Variants in TTC7B observed in about 807,000 individuals in gnomAD.
TTC7B encodes tetratricopeptide repeat protein 7B.
Under a neutral mutation model 106.8 loss-of-function variants are expected in TTC7B, and 28 were observed. That is an observed-to-expected ratio of 0.26 (90% confidence interval 0.19 to 0.36). The LOEUF is 0.36. Among genes scored for constraint, TTC7B ranks in the 10% least tolerant of loss-of-function variants. The pLI is 1.00. For synonymous variants in TTC7B, 405 were observed against 430.6 expected (o/e 0.94, Z 0.74); for missense variants, 862 against 1,076.4 (o/e 0.80, Z 2.79).
chr14:90,610,692 C>T, intron 17 of TTC7B, 50 bp downstream of exon 17: 2 of 1,360,314 alleles, frequency 1.5e-6, no homozygotes, highest in Non-Finnish European at 1.1e-6. Context: ...GTCCCAGGCC[C>T]CCACATTCTC....
intron 5 of TTC7B, among the ~76,000 whole-genome samples, chr14:90,707,383 A>G (rs1220127091): frequency 2.6e-5 from 4 of 152,210 alleles, no homozygotes. Flanking sequence ...AGGCCAATTA[A>G]CAACCCTACA....
chr14:90,764,346 A>G (rs1158515675), intron 3 of TTC7B, among the ~76,000 whole-genome samples: 1 of 152,178 alleles, frequency 6.6e-6, no homozygotes, highest in Non-Finnish European at 1.5e-5. Context: ...AAGAGTAAAA[A>G]CTATAAAACT....
chr14:90,713,599 G>A (rs867021006), intron 5 of TTC7B, among the ~76,000 whole-genome samples: 5 of 152,086 alleles, frequency 3.3e-5, no homozygotes, highest in African/African-American at 2.4e-5. Flanking sequence ...ATACATTGCC[G>A]GCAGGAACGT....
At chr14:90,699,501 T>C (rs1386514954) in intron 5 of TTC7B, 1 of 314,948 alleles carries the variant, frequency 3.2e-6, no homozygotes, top group Non-Finnish European at 6.1e-6. Flanking sequence ...TACACTTAAA[T>C]TCAATATCAC....
chr14:90,764,805 T>C (rs1890619832), intron 3 of TTC7B, among the ~76,000 whole-genome samples: 1 of 152,122 alleles, frequency 6.6e-6, no homozygotes, highest in Non-Finnish European at 1.5e-5. Flanking sequence ...AAAAGACAGA[T>C]AACAACAAGT....
chr14:90,662,560 C>T (rs1432985079), intron 9 of TTC7B, among the ~76,000 whole-genome samples: 1 of 152,204 alleles, frequency 6.6e-6, no homozygotes, highest in Non-Finnish European at 1.5e-5. Flanking sequence ...ATAGGGAATA[C>T]ACAACCTGAA....
In TTC7B at chr14:90,780,785, A is replaced by G. The variant is rs1386763551; in HGVS notation, c.398T>C (p.Val133Ala). ...GATCACCCGCAGCCTGTAGGGCGGG[A>G]CAGCTGTCAGTGGCAGATCGTCCAG... is the stretch of plus-strand genomic sequence containing the variant. ...VGLDDLPLTA[V>A]PPYRLRVIAE... is the part of the protein sequence containing the mutation. The change falls in exon 3 of 20, where the codon GTC (valine) becomes GCC (alanine). Residue 133 changes from valine to alanine, a missense_variant. By Grantham distance (64) the Val-to-Ala change is moderately conservative. Transcript: ENST00000328459. 3 of 1,614,176 alleles carry G rather than the reference A, an allele frequency of 1.9e-6. No homozygotes were observed. The Admixed American group carries it at 5.0e-5, about 27-fold the overall frequency.
chr14:90,692,961 C>T (rs1887532866), intron 6 of TTC7B, among the ~76,000 whole-genome samples: 1 of 151,566 alleles, frequency 6.6e-6, no homozygotes, highest in South Asian at 2.1e-4. Context: ...TGTCTCACCC[C>T]CATAATTCTA....
At chr14:90,689,416 G>A (rs2139938289) in intron 7 of TTC7B, 124 bp downstream of exon 7, 8 of 831,534 alleles carry the variant, frequency 9.6e-6, no homozygotes, top group Non-Finnish European at 1.5e-5. Context: ...ACTGGAAAAT[G>A]ACACTTGTTC....
intron 7 of TTC7B, among the ~76,000 whole-genome samples, chr14:90,686,267 C>A (rs1887248203): frequency 6.6e-6 from 1 of 152,084 alleles, no homozygotes; most frequent in Admixed American, 6.5e-5. Context: ...AAGCAGTTGA[C>A]AAAATTCAAC....
rs1380533873 is a variant in TTC7B, at chr14:90,802,093, A to AAAGG, written c.121+14081_121+14082insCCTT. ...GGAAAAAAAAAAAAAAGAAAGAAAGAAAGCAGCTGGAACATCAAGTGTAAG... is the reference window on the plus strand; with the variant it reads ...GGAAAAAAAAAAAAAAGAAAGAAAGAAAGGAAGCAGCTGGAACATCAAGTGTAAG... On this transcript the variant is annotated intron_variant, in intron 1 of 19. Coordinates refer to ENST00000328459, the MANE Select transcript of TTC7B (RefSeq NM_001010854.2). The surrounding 1 kb of genome is among the most constrained non-coding windows in gnomAD (Gnocchi z 4.7). Among the ~76,000 whole-genome samples, 1 of 151,918 alleles carries AAAGG rather than the reference A, an allele frequency of 6.6e-6. No individual in the cohort carries two copies. Among genetic ancestry groups the AAAGG allele is most frequent in the Admixed American group, 6.6e-5 (1 of 15,260 alleles).
At chr14:90,696,546 G>A (rs1190704709) in intron 5 of TTC7B, among the ~76,000 whole-genome samples, 1 of 152,166 alleles carries the variant, frequency 6.6e-6, no homozygotes, top group Non-Finnish European at 1.5e-5. Flanking sequence ...CTCTCTTCTT[G>A]GACGACATTT....
At chr14:90,708,214 G>A (rs1257552698) in intron 5 of TTC7B, among the ~76,000 whole-genome samples, 3 of 148,152 alleles carry the variant, frequency 2.0e-5, no homozygotes, top group African/African-American at 7.5e-5. Context: ...GCTACAGAAA[G>A]TTATCCAGAA....
intron 18 of TTC7B, among the ~76,000 whole-genome samples, chr14:90,584,031 C>T (rs926482356): frequency 1.3e-5 from 2 of 152,156 alleles, no homozygotes; most frequent in South Asian, 2.1e-4. Flanking sequence ...CTCCACCCTG[C>T]GTGTGCTCTG....
intron 5 of TTC7B, among the ~76,000 whole-genome samples, chr14:90,704,689 G>C (rs1326751917): frequency 6.6e-6 from 1 of 152,180 alleles, no homozygotes; most frequent in Non-Finnish European, 1.5e-5. Context: ...GGTGACAAAG[G>C]GGTAGCAGAG....
intron 3 of TTC7B, among the ~76,000 whole-genome samples, chr14:90,778,130 C>G (rs553138066): frequency 6.0e-4 from 91 of 152,250 alleles, no homozygotes; most frequent in African/African-American, 2.1e-3. Flanking sequence ...GGGCCTGGAG[C>G]CCCCAGGCTG....
intron 17 of TTC7B, among the ~76,000 whole-genome samples, chr14:90,594,202 T>A (rs1283264817): frequency 6.6e-6 from 1 of 152,164 alleles, no homozygotes; most frequent in African/African-American, 2.4e-5. Flanking sequence ...TTGCCCTGTG[T>A]ATAAGCAGAT....
intron 5 of TTC7B, among the ~76,000 whole-genome samples, chr14:90,710,958 AAAC>A (rs1036485169): frequency 1.5e-4 from 23 of 152,324 alleles, no homozygotes; most frequent in African/African-American, 4.6e-4. Flanking sequence ...GAAAAAACAA[AAAC>A]AACAACACCT....
intron 17 of TTC7B, chr14:90,601,892 C>T (rs1443638830): frequency 2.6e-5 from 8 of 311,832 alleles, no homozygotes; most frequent in Admixed American, 8.7e-5. Context: ...AGGCCCAGGG[C>T]GATGCGGCGA....
Sources: allele counts gnomAD v4.1 joint callset (sites outside exome capture counted in the v4.1 genomes callset), GRCh38; gene constraint gnomAD v4.1.1; non-coding constraint Gnocchi (gnomAD v3.1); transcripts MANE v1.5; gene names NCBI Gene and HGNC (gene_info 2026-07-23, HGNC 2026-07-21).